Variants in PANX1 observed in about 807,000 individuals in gnomAD.
PANX1 encodes the protein pannexin 1.
A neutral mutation model predicts 38.7 loss-of-function variants in PANX1; 30 were observed. The observed-to-expected ratio is 0.78, with a 90% CI of 0.58 to 1.05. The LOEUF is 1.05. Ranked by LOEUF, PANX1 falls within the 50% of genes least tolerant of loss-of-function variation. PANX1 has a pLI of 0.00. For missense variants in PANX1, 551 were observed against 517.2 expected, an observed-to-expected ratio of 1.07 and a Z score of -0.63; for synonymous variants, 230 against 212.2, an observed-to-expected ratio of 1.08 and a Z score of -0.73.
chr11:94,170,277 A>G (rs1947150688), intron 2 of PANX1, among the ~76,000 whole-genome samples: 1 of 151,480 alleles, frequency 6.6e-6, no homozygotes, highest in South Asian at 2.1e-4. Context: ...GCATTTGTCT[A>G]TTCTAGATAC....
chr11:94,161,343 C>G (rs991971350), intron 2 of PANX1, among the ~76,000 whole-genome samples: 6 of 152,230 alleles, frequency 3.9e-5, no homozygotes, highest in African/African-American at 9.6e-5. Context: ...TCCATTCTCC[C>G]TGTCACTTTC....
At chr11:94,162,680 C>G (rs1222395538) in intron 2 of PANX1, among the ~76,000 whole-genome samples, 2 of 152,144 alleles carry the variant, frequency 1.3e-5, no homozygotes, top group African/African-American at 4.8e-5. Context: ...TGAGGTGATG[C>G]CTCGCCCTGC....
At chr11:94,137,801 A>G (rs1946713263) in intron 1 of PANX1, among the ~76,000 whole-genome samples, 2 of 123,182 alleles carry the variant, frequency 1.6e-5, no homozygotes, top group South Asian at 4.9e-4. Context: ...TACTGTAGAA[A>G]ATATGGAAAA....
intron 2 of PANX1, among the ~76,000 whole-genome samples, 153 bp from the exon 3 acceptor site, chr11:94,178,216 A>G (rs1157671254): frequency 6.6e-6 from 1 of 152,254 alleles, no homozygotes; most frequent in African/African-American, 2.4e-5. Flanking sequence ...TGGACAGGGG[A>G]ATTTAGCCAT....
chr11:94,133,049 C>A (rs1309757922), intron 1 of PANX1, among the ~76,000 whole-genome samples: 10 of 152,216 alleles, frequency 6.6e-5, no homozygotes, highest in African/African-American at 2.2e-4. Flanking sequence ...CACTGGGCTC[C>A]TCTCAGAAAA....
Position 94,148,069 on chromosome 11 carries a change from A to G in PANX1, c.182-5422A>G, listed in dbSNP as rs1034640236. 5.9e-5 allele frequency among the ~76,000 whole-genome samples: 9 copies of G among 152,310 alleles called. No individual in the cohort carries two copies. The East Asian group carries it at 1.4e-3, about 23-fold the overall frequency. On this transcript the variant is annotated intron_variant, in intron 1 of 4. Coordinates refer to ENST00000227638, the MANE Select transcript of PANX1 (RefSeq NM_015368.4). ...CCAATGTGGTTTAAAGGAAAAAAAA[A>G]AGAAGTATTTCAATTCCATTTTTTA... is the stretch of plus-strand genomic sequence containing the variant.
intron 2 of PANX1, among the ~76,000 whole-genome samples, chr11:94,159,912 A>G (rs1249507718): frequency 2.0e-5 from 3 of 151,436 alleles, no homozygotes; most frequent in African/African-American, 7.3e-5. Context: ...TGTCCCAGAG[A>G]TTCTGGTATG....
intron 2 of PANX1, among the ~76,000 whole-genome samples, chr11:94,174,422 C>T (rs1182266757): frequency 6.6e-6 from 1 of 151,524 alleles, no homozygotes; most frequent in Non-Finnish European, 1.5e-5. Flanking sequence ...ACAGAGGTGA[C>T]ATTTGTGCTG....
At chr11:94,172,063 TTA>T (rs112966031) in intron 2 of PANX1, among the ~76,000 whole-genome samples, 6,770 of 151,652 alleles carry the variant, frequency 0.045, 731 homozygotes, top group African/African-American at 0.16. Context: ...GGGCAAATCT[TTA>T]TTTCTCTTAA....
At chr11:94,157,267 G>C (rs1946961924) in intron 2 of PANX1, among the ~76,000 whole-genome samples, 1 of 152,124 alleles carries the variant, frequency 6.6e-6, no homozygotes, top group Admixed American at 6.5e-5. Context: ...TGGGATGGCT[G>C]GGTCAAATGG....
intron 2 of PANX1, 91 bp from the exon 3 acceptor site, chr11:94,178,278 C>A: frequency 3.1e-6 from 3 of 964,892 alleles, no homozygotes; most frequent in Non-Finnish European, 4.9e-6. Context: ...ACATTTGTCT[C>A]AAGATGTGAG....
intron 1 of PANX1, among the ~76,000 whole-genome samples, chr11:94,152,625 G>A (rs1191157542): frequency 6.6e-6 from 1 of 152,204 alleles, no homozygotes; most frequent in East Asian, 1.9e-4. Context: ...CTACTGGTGG[G>A]AAGGGGAGGA....
intron 1 of PANX1, among the ~76,000 whole-genome samples, chr11:94,151,052 C>A (rs1946878365): frequency 6.6e-6 from 1 of 152,070 alleles, no homozygotes; most frequent in Non-Finnish European, 1.5e-5. Context: ...TTGGTTTACT[C>A]CAGGGGAAAA....
At chr11:94,168,289 T>A (rs966315149) in intron 2 of PANX1, among the ~76,000 whole-genome samples, 12 of 152,120 alleles carry the variant, frequency 7.9e-5, no homozygotes, top group African/African-American at 2.9e-4. Flanking sequence ...TTAACTATGA[T>A]GCAGGGTAGG....
chr11:94,141,533 TTATGAAA>T, intron 1 of PANX1, among the ~76,000 whole-genome samples: 1 of 152,340 alleles, frequency 6.6e-6, no homozygotes, highest in African/African-American at 2.4e-5. Context: ...TTTCCTTGGC[TTATGAAA>T]TACCCCTTCC....
chr11:94,152,902 G>T (rs190563591), intron 1 of PANX1, among the ~76,000 whole-genome samples: 1 of 152,140 alleles, frequency 6.6e-6, no homozygotes, highest in African/African-American at 2.4e-5. Flanking sequence ...GTTTGCAGTC[G>T]TGAGCGTTTC....
chr11:94,158,312 G>C lies in PANX1; in HGVS notation c.321+4682G>C, dbSNP rs190720501. ...AGTCATTGGTAGCTTGATGGGGATG[G>C]CATTGAATCTATAAATTACCTTGGG... On this transcript the variant is annotated intron_variant, in intron 2 of 4. Coordinates refer to ENST00000227638, the MANE Select transcript of PANX1 (RefSeq NM_015368.4). 8.9e-3 allele frequency among the ~76,000 whole-genome samples: 1,355 copies of C among 152,106 alleles called. 18 individuals are homozygous for C. Among genetic ancestry groups the C allele is most frequent in the Non-Finnish European group, 9.0e-3 (614 of 68,004 alleles).
rs751667156 is a variant in PANX1, at chr11:94,179,869, C to T, written c.813C>T (p.Gly271=). Residue 271 remains glycine, a synonymous_variant, in exon 4 of 5, where the codon GGC becomes GGT. Coordinates refer to ENST00000227638, the MANE Select transcript of PANX1 (RefSeq NM_015368.4). ...TTCAGTGCAAACTCATTGCCGTGGG[C>T]ATCTTCCAGTTGCTCAGTGTCATTA... is the stretch of plus-strand genomic sequence containing the variant. ...DQFQCKLIAV[G]IFQLLSVINL... The T allele has an allele frequency of 1.9e-5, 30 of 1,614,012 alleles. 1 individual carries two copies. In the South Asian group the frequency reaches 2.5e-4, roughly 14 times the overall value.
At chr11:94,170,949 A>G (rs540089779) in intron 2 of PANX1, among the ~76,000 whole-genome samples, 1 of 151,758 alleles carries the variant, frequency 6.6e-6, no homozygotes, top group South Asian at 2.1e-4. Context: ...GGACTTGCGT[A>G]ATTTCTTCCC....
Sources: gnomAD v4.1 joint callset for allele counts (sites outside exome capture counted in the v4.1 genomes callset) on GRCh38, gnomAD v4.1.1 for gene constraint, MANE v1.5 for transcripts, NCBI Gene and HGNC (gene_info 2026-07-23, HGNC 2026-07-21) for gene names.